NACC2: variants seen among roughly 807,000 people sequenced by gnomAD.
NACC2 encodes the protein NACC family member 2.
In NACC2, 8 loss-of-function variants were observed where a neutral mutation model predicts 25.1. The ratio of observed to expected loss-of-function variants is 0.32; its 90% CI spans 0.19 to 0.57. The LOEUF is 0.57. Among genes scored for constraint, NACC2 ranks in the 20% least tolerant of loss-of-function variants. NACC2 has a pLI of 0.89. For missense variants in NACC2, 644 were observed against 650.2 expected, an observed-to-expected ratio of 0.99 and a Z score of 0.10; for synonymous variants, 435 against 294.7, an observed-to-expected ratio of 1.48 and a Z score of -4.88.
At chr9:136,085,152 TTTTTTTTTTTTG>T (rs947641454) in intron 1 of NACC2, among the ~76,000 whole-genome samples, 7 of 127,268 alleles carry the variant, frequency 5.5e-5, no homozygotes, top group African/African-American at 1.5e-4. Context: ...TTTTTTTTTT[TTTTTTTTTTTTG>T]GCGAGACTGA....
chr9:136,032,256 C>A (rs559457921), intron 2 of NACC2, among the ~76,000 whole-genome samples: 1 of 152,136 alleles, frequency 6.6e-6, no homozygotes, highest in African/African-American at 2.4e-5. Flanking sequence ...TCCAGGAATA[C>A]GAAGTTATTT....
intron 2 of NACC2, among the ~76,000 whole-genome samples, chr9:136,047,211 C>T (rs1404613824): frequency 2.0e-5 from 3 of 152,124 alleles, no homozygotes; most frequent in South Asian, 2.1e-4. Flanking sequence ...CGGACGAGCC[C>T]GGGACACGGA....
intron 1 of NACC2, among the ~76,000 whole-genome samples, chr9:136,072,923 A>C (rs543236095): frequency 2.0e-4 from 31 of 152,284 alleles, no homozygotes; most frequent in African/African-American, 7.0e-4. Flanking sequence ...GAAAGAAAAA[A>C]ACACACAAGA....
Position 136,020,560 on chromosome 9 carries a change from G to A in NACC2, c.887-4131C>T, listed in dbSNP as rs568420369. Among the ~76,000 whole-genome samples, 13 of 152,322 alleles carry A rather than the reference G, an allele frequency of 8.5e-5. No individual in the cohort carries two copies. The highest frequency in any genetic ancestry group is 4.1e-4 in the South Asian group (2 of 4,824). On this transcript the variant is annotated intron_variant, in intron 2 of 5. Transcript: ENST00000277554. This position sits in a 1 kb window ranked among gnomAD's most constrained non-coding sequence, Gnocchi z 4.7. Reference sequence around the variant, plus strand: ...GCCTCGGCGGGGGTAGGAGGGAGACGGGGAGGCCTACTCCCTAAAAGTGTA... The same window carrying A: ...GCCTCGGCGGGGGTAGGAGGGAGACAGGGAGGCCTACTCCCTAAAAGTGTA...
intron 2 of NACC2, among the ~76,000 whole-genome samples, chr9:136,034,702 T>C (rs973339008): frequency 6.7e-6 from 1 of 149,376 alleles, no homozygotes; most frequent in African/African-American, 2.5e-5. Context: ...ATAGTAACAA[T>C]AAATGAAGGA....
chr9:136,086,723 C>T lies in NACC2; in HGVS notation c.-60+8466G>A, dbSNP rs1830382413. Among the ~76,000 whole-genome samples the T allele has an allele frequency of 6.6e-6, 1 of 152,216 alleles. No homozygotes were observed. Reference sequence around the variant, plus strand: ...GAAAACCCTCCCCGACCAGTGGCCCCGTTTCCCTCCCACGACCCCCGCTCA... The same window carrying T: ...GAAAACCCTCCCCGACCAGTGGCCCTGTTTCCCTCCCACGACCCCCGCTCA... On this transcript the variant is annotated intron_variant, in intron 1 of 5. Coordinates refer to ENST00000277554, the MANE Select transcript of NACC2 (RefSeq NM_144653.5). This position sits in a 1 kb window ranked among gnomAD's most constrained non-coding sequence, Gnocchi z 5.6.
chr9:136,063,786 G>A (rs968011804), intron 1 of NACC2, among the ~76,000 whole-genome samples: 1 of 151,780 alleles, frequency 6.6e-6, no homozygotes, highest in Non-Finnish European at 1.5e-5. Flanking sequence ...AGGAGGCTGA[G>A]GTAGGAGAAT....
intron 2 of NACC2, among the ~76,000 whole-genome samples, chr9:136,023,430 A>C (rs963777306): frequency 5.9e-5 from 9 of 152,072 alleles, no homozygotes; most frequent in Admixed American, 2.0e-4. Flanking sequence ...AGTCCCATCA[A>C]ACCTGGCCCC....
At chr9:136,089,680 C>A (rs1302414303) in intron 1 of NACC2, among the ~76,000 whole-genome samples, 1 of 151,444 alleles carries the variant, frequency 6.6e-6, no homozygotes. Flanking sequence ...GAATGGGGGA[C>A]CCCAGCCCCA....
At chr9:136,039,704 G>A (rs1390482150) in intron 2 of NACC2, among the ~76,000 whole-genome samples, 1 of 152,072 alleles carries the variant, frequency 6.6e-6, no homozygotes, top group Non-Finnish European at 1.5e-5. Context: ...TACACCATAT[G>A]AACAAAACTA....
intron 2 of NACC2, among the ~76,000 whole-genome samples, chr9:136,038,695 G>A (rs1276125921): frequency 6.6e-6 from 1 of 152,158 alleles, no homozygotes; most frequent in East Asian, 1.9e-4. Flanking sequence ...GATGTTAAGT[G>A]CAGGACAACA....
chr9:136,091,768 A>G (rs952470119), intron 1 of NACC2, among the ~76,000 whole-genome samples: 15 of 152,226 alleles, frequency 9.9e-5, no homozygotes, highest in African/African-American at 3.6e-4. Flanking sequence ...GCCAGCCAGG[A>G]GGCATATTTT....
chr9:136,085,377 T>C (rs899596703), intron 1 of NACC2, among the ~76,000 whole-genome samples: 2 of 151,290 alleles, frequency 1.3e-5, no homozygotes, highest in East Asian at 3.9e-4. Flanking sequence ...AAATCAGCCA[T>C]GTGTGGGGAT....
intron 1 of NACC2, among the ~76,000 whole-genome samples, chr9:136,070,323 T>A (rs1841134970): frequency 6.7e-6 from 1 of 150,220 alleles, no homozygotes; most frequent in Non-Finnish European, 1.5e-5. Context: ...CTGGCCAAGA[T>A]GGTGAAACCC....
chr9:136,076,654 T>C (rs1374467490), intron 1 of NACC2, among the ~76,000 whole-genome samples: 1 of 152,164 alleles, frequency 6.6e-6, no homozygotes, highest in Non-Finnish European at 1.5e-5. Flanking sequence ...GCCACTGAAC[T>C]GTGCGCTTAA....
chr9:136,078,951 G>A (rs545983223), intron 1 of NACC2, among the ~76,000 whole-genome samples: 15 of 152,308 alleles, frequency 9.8e-5, no homozygotes, highest in African/African-American at 3.1e-4. Flanking sequence ...CCTTAGCACC[G>A]TCGCCGGCAT....
At chr9:136,039,901 T>C (rs1411106899) in intron 2 of NACC2, among the ~76,000 whole-genome samples, 1 of 151,600 alleles carries the variant, frequency 6.6e-6, no homozygotes, top group Non-Finnish European at 1.5e-5. Flanking sequence ...GATCCAGAAA[T>C]ACAAGGTGTG....
intron 3 of NACC2, among the ~76,000 whole-genome samples, chr9:136,014,425 C>T (rs968983770): frequency 1.3e-4 from 20 of 152,180 alleles, no homozygotes; most frequent in African/African-American, 4.6e-4. Flanking sequence ...CCACCTCAGC[C>T]CCCTGAGTAG....
chr9:136,092,142 C>A (rs535515927), intron 1 of NACC2, among the ~76,000 whole-genome samples: 148 of 152,350 alleles, frequency 9.7e-4, no homozygotes, highest in Middle Eastern at 3.4e-3. Context: ...GCCAAGCTCC[C>A]CCACCCAAGG....
Sources: allele counts gnomAD v4.1 joint callset (sites outside exome capture counted in the v4.1 genomes callset), GRCh38; gene constraint gnomAD v4.1.1; non-coding constraint Gnocchi (gnomAD v3.1); transcripts MANE v1.5; gene names NCBI Gene and HGNC (gene_info 2026-07-23, HGNC 2026-07-21).